Variants in VEGFB observed in about 807,000 individuals in gnomAD.
The protein encoded by VEGFB is VEGF-related factor.
Under a neutral mutation model 22.5 loss-of-function variants are expected in VEGFB, and 24 were observed. The ratio of observed to expected loss-of-function variants is 1.07; its 90% confidence interval spans 0.77 to 1.50. The LOEUF is 1.50. Among genes scored for constraint, VEGFB ranks in the 40% most tolerant of loss-of-function variants. VEGFB has a pLI of 0.00. For synonymous variants in VEGFB, 141 were observed against 117.4 expected (o/e 1.20, Z -1.30); for missense variants, 327 against 287.8 (o/e 1.14, Z -0.99).
At chr11:64,237,746 G>C (rs913628253) in intron 6 of VEGFB, 91 bp downstream of exon 6, 1 of 1,196,170 alleles carries the variant, frequency 8.4e-7, no homozygotes, top group East Asian at 2.6e-5. Flanking sequence ...TAGGAGGAGG[G>C]CCAGGGAAGG....
Position 64,236,156 on chromosome 11 carries a change from G to A in VEGFB, c.301-98G>A. ...GGGTTGGGGGGAGGGCTGGTGGCCA[G>A]CCTCCCGGCTGTTGGGTGAGCTTTT... On this transcript the variant is annotated intron_variant, in intron 3 of 6. Coordinates refer to ENST00000309422, the MANE Select transcript of VEGFB (RefSeq NM_003377.5). The A allele has an allele frequency of 1.9e-6, 3 of 1,544,764 alleles. No individual in the cohort carries two copies. In the East Asian group the frequency reaches 6.8e-5, roughly 35 times the overall value.
chr11:64,237,380 T>G (rs2030175261), intron 5 of VEGFB, 40 bp from the exon 6 acceptor site: 3 of 1,546,698 alleles, frequency 1.9e-6, no homozygotes, highest in Middle Eastern at 1.7e-4. Flanking sequence ...TAGGGAAGAC[T>G]CTTCCTTCCC....
chr11:64,237,363 C>T lies in VEGFB; in HGVS notation c.411-57C>T. On this transcript the variant is annotated intron_variant, in intron 5 of 6. Transcript: ENST00000309422. ...CAAGCCTGTGTTCTCTGCCCCGACCCCAGCTCTAGGGAAGACTCTTCCTTC... is the reference window on the plus strand; with the variant it reads ...CAAGCCTGTGTTCTCTGCCCCGACCTCAGCTCTAGGGAAGACTCTTCCTTC... 1.9e-6 allele frequency: 3 copies of T among 1,538,970 alleles called. No individual in the cohort carries two copies. In the South Asian group the frequency reaches 3.5e-5, roughly 18 times the overall value.
intron 2 of VEGFB, 96 bp from the exon 3 acceptor site, chr11:64,235,717 G>A (rs1427039349): frequency 1.4e-6 from 2 of 1,464,378 alleles, no homozygotes; most frequent in African/African-American, 2.8e-5. Context: ...GAGGGCTAGT[G>A]GAGGGTGGCT....
intron 4 of VEGFB, 179 bp from the exon 5 acceptor site, chr11:64,237,008 G>C (rs868425317): frequency 6.5e-6 from 3 of 462,300 alleles, no homozygotes. Context: ...GCTTGAACCT[G>C]GGAGGCGGAG....
rs976386599 is a variant in VEGFB, at chr11:64,239,087, A to G, written c.*754A>G. Among the ~76,000 whole-genome samples the G allele has an allele frequency of 6.6e-6, 1 of 152,202 alleles. No homozygotes were observed. The highest frequency in any genetic ancestry group is 2.4e-5 in the African/African-American group (1 of 41,450). On this transcript the variant is annotated 3_prime_UTR_variant, in exon 7 of 7. Coordinates refer to ENST00000309422, the MANE Select transcript of VEGFB (RefSeq NM_003377.5). The stretch of plus-strand genomic sequence containing the variant: ...CTTCTGTGGCCAGAGAGCTTGGGGT[A>G]GGACCCAGATCTACTGAGTGACCTT...
At chr11:64,237,082 T>G (rs529661121) in intron 4 of VEGFB, 105 bp from the exon 5 acceptor site, 3 of 616,770 alleles carry the variant, frequency 4.9e-6, no homozygotes, top group East Asian at 1.7e-4. Context: ...AAACACAGTC[T>G]CAAAGAGAGA....
rs767459590 is a variant in VEGFB at position 64,237,568 on chromosome 11, A to G, written c.559A>G (p.Thr187Ala). 2 of 1,565,028 alleles carry G rather than the reference A, an allele frequency of 1.3e-6. No individual in the cohort carries two copies. Among genetic ancestry groups the G allele is most frequent in the South Asian group, 1.1e-5 (1 of 87,772 alleles). Residue 187 changes from threonine (T) to alanine (A), a missense_variant, in exon 6 of 7, where the codon ACC becomes GCC. Thr to Ala is a moderately conservative substitution (Grantham distance 58, BLOSUM62 0). Coordinates refer to ENST00000309422, the MANE Select transcript of VEGFB (RefSeq NM_003377.5). Reference protein sequence around the residue: ...HAAPSTTSALTPGPAAAAADA... With the variant: ...HAAPSTTSALAPGPAAAAADA... ...TGCACCCAGCACCACCAGCGCCCTGACCCCCGGACCTGCCGCTGCCGCTGC... is the reference window on the plus strand; with the variant it reads ...TGCACCCAGCACCACCAGCGCCCTGGCCCCCGGACCTGCCGCTGCCGCTGC...
At position 64,238,570 on chromosome 11, in the gene VEGFB, C is replaced by A; in HGVS notation, c.*237C>A. The stretch of plus-strand genomic sequence containing the variant: ...TCCCTGAGGCCATCATCAAACAGGA[C>A]AGAGTTGGAAGAGGAGACTGGGAGG... On this transcript the variant is annotated 3_prime_UTR_variant, in exon 7 of 7. Transcript: ENST00000309422. 1 of 669,094 alleles carries A rather than the reference C, an allele frequency of 1.5e-6. No homozygotes were observed. Among genetic ancestry groups the A allele is most frequent in the Non-Finnish European group, 2.5e-6 (1 of 394,112 alleles). The allele number at this position is 669,094 out of a possible 1,614,324, so 41.4% of individuals were successfully genotyped here. A position where few individuals can be genotyped will look rare whatever the true frequency, so the allele number is the denominator to read the frequency against.
intron 6 of VEGFB, 30 bp downstream of exon 6, chr11:64,237,685 G>C: frequency 2.0e-6 from 3 of 1,499,954 alleles, no homozygotes; most frequent in Non-Finnish European, 1.8e-6. Context: ...GTGTTTGTTT[G>C]GGAAGGCACC....
rs1395323052 is a variant in VEGFB, at chr11:64,238,635, G to GTAC, written c.*304_*306dup. ...ACATACCAGCTCAGGGGAGAATGGA[G>GTAC]TACTGTCTCAGTTTCTAACCACTCT... is the stretch of plus-strand genomic sequence containing the variant. On this transcript the variant is annotated 3_prime_UTR_variant, in exon 7 of 7. Coordinates refer to ENST00000309422, the MANE Select transcript of VEGFB (RefSeq NM_003377.5). 1 of 573,772 alleles carries GTAC rather than the reference G, an allele frequency of 1.7e-6. No homozygotes were observed. Among genetic ancestry groups the GTAC allele is most frequent in the Non-Finnish European group, 3.1e-6 (1 of 320,504 alleles). The allele number at this position is 573,772 out of a possible 1,614,324, so 35.5% of individuals were successfully genotyped here. A position where few individuals can be genotyped will look rare whatever the true frequency, so the allele number is the denominator to read the frequency against.
rs554828254 is a variant in VEGFB, at chr11:64,237,129, T to G, written c.375-58T>G. 9 of 1,129,138 alleles carry G rather than the reference T, an allele frequency of 8.0e-6. 3 individuals are homozygous for G. The East Asian group carries it at 1.9e-4, about 23-fold the overall frequency. 69.9% of individuals were successfully genotyped at this position (1,129,138 alleles called of 1,614,324 possible). On this transcript the variant is annotated intron_variant, in intron 4 of 6. Coordinates refer to ENST00000309422, the MANE Select transcript of VEGFB (RefSeq NM_003377.5). ...AGAGAGAGAGAGAGAGAGAGTAGGA[T>G]GCTGGGATTTCCTGATCTTCCTCTT...
rs372065574 is a variant in VEGFB at position 64,237,330 on chromosome 11, C to A, written c.411-90C>A. 4 of 1,514,780 alleles carry A rather than the reference C, an allele frequency of 2.6e-6. No individual in the cohort carries two copies. In the East Asian group the frequency reaches 6.8e-5, roughly 26 times the overall value. The allele number at this position is 1,514,780 out of a possible 1,614,324, so 93.8% of individuals were successfully genotyped here. ...CCCGTCCCCCACTTTCCCTTTTCCT[C>A]TGCTCCCCAAGCCTGTGTTCTCTGC... is the stretch of plus-strand genomic sequence containing the variant. On this transcript the variant is annotated intron_variant, in intron 5 of 6. Coordinates refer to ENST00000309422, the MANE Select transcript of VEGFB (RefSeq NM_003377.5).
At chr11:64,238,198 C>T (rs1439110631) in intron 6 of VEGFB, among the ~76,000 whole-genome samples, 158 bp from the exon 7 acceptor site, 2 of 152,122 alleles carry the variant, frequency 1.3e-5, no homozygotes, top group African/African-American at 4.8e-5. Context: ...ATGACCTTTG[C>T]AAAAGGTTCA....
chr11:64,235,332 G>C, intron 1 of VEGFB, 126 bp from the exon 2 acceptor site: 2 of 930,800 alleles, frequency 2.1e-6, no homozygotes, highest in Non-Finnish European at 3.4e-6. Context: ...CGCAGGAACA[G>C]AGCAATCTGG....
intron 4 of VEGFB, among the ~76,000 whole-genome samples, chr11:64,236,886 C>T (rs1018381719): frequency 6.7e-6 from 1 of 149,128 alleles, no homozygotes; most frequent in South Asian, 2.1e-4. Flanking sequence ...TGAGACCAGC[C>T]TGGCCAACAT....
chr11:64,236,434 G>T, intron 4 of VEGFB, 107 bp downstream of exon 4: 1 of 1,125,046 alleles, frequency 8.9e-7, no homozygotes, highest in East Asian at 2.5e-5. Flanking sequence ...AGAACCAAGG[G>T]GCCGGGCGTG....
intron 2 of VEGFB, 94 bp from the exon 3 acceptor site, chr11:64,235,719 A>G (rs754948201): frequency 2.1e-4 from 308 of 1,468,906 alleles, no homozygotes; most frequent in Non-Finnish European, 2.4e-4. Flanking sequence ...GGGCTAGTGG[A>G]GGGTGGCTGT....
At position 64,237,126 on chromosome 11, in the gene VEGFB, G is replaced by GAGAGAGAGAGAGAGAGAGAGA; in HGVS notation, c.375-61_375-60insAGAGAGAGAGAGAGAGAGAGA. ...GAGAGAGAGAGAGAGAGAGAGAGTA[G>GAGAGAGAGAGAGAGAGAGAGA]GATGCTGGGATTTCCTGATCTTCCT... On this transcript the variant is annotated intron_variant, in intron 4 of 6. Transcript: ENST00000309422. The GAGAGAGAGAGAGAGAGAGAGA allele has an allele frequency of 3.2e-5, 23 of 717,464 alleles. 3 individuals are homozygous for GAGAGAGAGAGAGAGAGAGAGA. The East Asian group carries it at 3.5e-4, about 11-fold the overall frequency. 44.4% of individuals were successfully genotyped at this position (717,464 alleles called of 1,614,324 possible).
Sources: allele counts gnomAD v4.1 joint callset (sites outside exome capture counted in the v4.1 genomes callset), GRCh38; gene constraint gnomAD v4.1.1; transcripts MANE v1.5; gene names NCBI Gene and HGNC (gene_info 2026-07-23, HGNC 2026-07-21).